TRIM37: variants seen among roughly 807,000 people sequenced by gnomAD.
TRIM37 encodes the protein E3 ubiquitin-protein ligase TRIM37.
In TRIM37, 80 loss-of-function variants were observed where a neutral mutation model predicts 129.8. The observed-to-expected ratio is 0.62, with a 90% CI of 0.51 to 0.74. The LOEUF is 0.74. Ranked by LOEUF, TRIM37 falls within the 30% of genes least tolerant of loss-of-function variation. The pLI, the probability that TRIM37 is intolerant of heterozygous loss-of-function variation, is 0.00. For missense variants in TRIM37, 1,054 were observed against 1,176.5 expected (o/e 0.90, Z 1.52); for synonymous variants, 389 against 387.1 (o/e 1.00, Z -0.06).
intron 21 of TRIM37, among the ~76,000 whole-genome samples, chr17:59,015,192 C>T (rs1445712416): frequency 1.3e-5 from 2 of 151,742 alleles, no homozygotes; most frequent in Non-Finnish European, 2.9e-5. Flanking sequence ...AATCCCAACA[C>T]TCTGGGAGGC....
intron 2 of TRIM37, among the ~76,000 whole-genome samples, chr17:59,098,405 T>G (rs1308531691): frequency 6.6e-6 from 1 of 152,102 alleles, no homozygotes; most frequent in Non-Finnish European, 1.5e-5. Context: ...GTGGCTCACA[T>G]CTGTAATCCT....
In TRIM37 at chr17:59,036,487, C is replaced by T. The variant is rs535722326; in HGVS notation, c.1754-4397G>A. 2.3e-4 allele frequency among the ~76,000 whole-genome samples: 29 copies of T among 126,406 alleles called. No homozygotes were observed. The South Asian group carries it at 5.4e-3, about 24-fold the overall frequency. 82.9% of individuals were successfully genotyped at this position (126,406 alleles called of 152,430 possible). ...GTGTGTGTGTGTGTGTGTGTGTGCA[C>T]GCGTGTGTTTTAAGAGACAGGGTCT... is the stretch of plus-strand genomic sequence containing the variant. On this transcript the variant is annotated intron_variant, in intron 17 of 23. Transcript: ENST00000262294.
intron 4 of TRIM37, among the ~76,000 whole-genome samples, chr17:59,087,692 T>C (rs567449015): frequency 6.6e-6 from 1 of 152,312 alleles, no homozygotes; most frequent in African/African-American, 2.4e-5. Flanking sequence ...TTTACCATGT[T>C]GTGACTCTAC....
Position 58,999,182 on chromosome 17 carries a change from T to G in TRIM37, c.*195A>C, listed in dbSNP as rs2033349231. ...ACATTACAAAGAACTCTTCCCATAC[T>G]GTTTTTCCCATGTACTACTGCTGTC... On this transcript the variant is annotated 3_prime_UTR_variant, in exon 24 of 24. Transcript: ENST00000262294. 7.0e-7 allele frequency: 1 copy of G among 1,431,582 alleles called. No individual in the cohort carries two copies. Among genetic ancestry groups the G allele is most frequent in the South Asian group, 1.5e-5 (1 of 68,282 alleles). 88.7% of individuals were successfully genotyped at this position (1,431,582 alleles called of 1,614,324 possible).
At chr17:58,982,184 C>T (rs577997867), downstream of TRIM37, 2 of 152,752 alleles carry the variant, frequency 1.3e-5, no homozygotes, top group South Asian at 2.1e-4. Context: ...GTCCTGCTTA[C>T]ATGTAGCTTC....
At chr17:59,103,289 C>T (rs909150280) in intron 2 of TRIM37, among the ~76,000 whole-genome samples, 5 of 152,116 alleles carry the variant, frequency 3.3e-5, no homozygotes, top group African/African-American at 1.2e-4. Context: ...TGTAGATGTG[C>T]TATTGGACTC....
intron 2 of TRIM37, among the ~76,000 whole-genome samples, chr17:59,100,290 G>A (rs1057396110): frequency 6.6e-6 from 1 of 152,168 alleles, no homozygotes; most frequent in African/African-American, 2.4e-5. Flanking sequence ...AAAGCTTCTT[G>A]TACACGAATG....
intron 19 of TRIM37, among the ~76,000 whole-genome samples, chr17:59,026,216 G>A (rs2037231295): frequency 6.6e-6 from 1 of 152,146 alleles, no homozygotes; most frequent in African/African-American, 2.4e-5. Context: ...ATATCCATGG[G>A]CAAGCAAGTC....
chr17:59,095,414 T>C (rs1406461721), intron 2 of TRIM37, among the ~76,000 whole-genome samples: 2 of 151,776 alleles, frequency 1.3e-5, no homozygotes, highest in African/African-American at 2.4e-5. Flanking sequence ...GCTATGTGAG[T>C]AGTGTGGAGG....
chr17:59,017,485 G>C (rs1340092398), intron 19 of TRIM37, 61 bp from the exon 20 acceptor site: 20 of 1,611,640 alleles, frequency 1.2e-5, no homozygotes, highest in Non-Finnish European at 1.7e-5. Context: ...TCACTATTTA[G>C]TCTGTCAGAA....
At chr17:59,056,697 C>G (rs902280372) in intron 13 of TRIM37, among the ~76,000 whole-genome samples, 178 bp downstream of exon 13, 1 of 88,988 alleles carries the variant, frequency 1.1e-5, no homozygotes, top group Non-Finnish European at 2.1e-5. Context: ...GCCAGGGCGA[C>G]AGAGCGAGAC....
chr17:59,077,944 C>T (rs559129774), intron 7 of TRIM37, among the ~76,000 whole-genome samples: 14 of 148,854 alleles, frequency 9.4e-5, no homozygotes, highest in Non-Finnish European at 1.2e-4. Context: ...GCCAACATGG[C>T]GAAACCCCAT....
At chr17:59,080,882 C>A (rs1599416035) in intron 6 of TRIM37, among the ~76,000 whole-genome samples, 1 of 152,236 alleles carries the variant, frequency 6.6e-6, no homozygotes, top group East Asian at 1.9e-4. Flanking sequence ...AGTGGTAATT[C>A]TCTGACTCCA....
At chr17:58,977,440 C>CAAAA in the TRIM37 span, among the ~76,000 whole-genome samples, 2 of 62,104 alleles carry the variant, frequency 3.2e-5, no homozygotes, top group African/African-American at 1.2e-4. Context: ...GACTCTGTCT[C>CAAAA]AAAAAAAAAA....
intron 17 of TRIM37, 107 bp from the exon 18 acceptor site, chr17:59,032,197 C>G (rs1318202419): frequency 1.7e-6 from 2 of 1,202,332 alleles, no homozygotes; most frequent in Non-Finnish European, 2.4e-6. Flanking sequence ...ATGGACCTAT[C>G]TCTTAGGAGT....
intron 16 of TRIM37, among the ~76,000 whole-genome samples, chr17:59,045,939 C>G (rs977915527): frequency 1.1e-4 from 16 of 151,884 alleles, no homozygotes; most frequent in African/African-American, 3.9e-4. Context: ...TCACTTGAAC[C>G]CAGGAGATGG....
chr17:59,102,998 G>A (rs542768791), intron 2 of TRIM37, among the ~76,000 whole-genome samples: 4 of 151,726 alleles, frequency 2.6e-5, no homozygotes, highest in Non-Finnish European at 5.9e-5. Flanking sequence ...TCAGCCTCTC[G>A]AGTAGCTGGG....
chr17:59,007,158 A>AACACACAC (rs540872393), intron 22 of TRIM37, among the ~76,000 whole-genome samples: 111 of 8,342 alleles, frequency 0.013, 2 homozygotes, highest in Non-Finnish European at 0.015. Flanking sequence ...CCCACCCTCC[A>AACACACAC]ACACACACAC....
chr17:59,021,272 G>C (rs980092037), intron 19 of TRIM37, among the ~76,000 whole-genome samples: 2 of 152,166 alleles, frequency 1.3e-5, no homozygotes, highest in Admixed American at 6.5e-5. Context: ...GCGCATGCCT[G>C]TAGTCGCAGC....
Sources: allele counts gnomAD v4.1 joint callset (sites outside exome capture counted in the v4.1 genomes callset), GRCh38; gene constraint gnomAD v4.1.1; transcripts MANE v1.5; gene names NCBI Gene and HGNC (gene_info 2026-07-23, HGNC 2026-07-21).